The following YWHAG variants were observed in gnomAD, a reference collection of about 807,000 sequenced individuals.
YWHAG encodes tyrosine 3-monooxygenase/tryptophan 5-monooxygenase activation protein gamma.
In YWHAG, 1 loss-of-function variant was observed where a neutral mutation model predicts 23.3. The observed-to-expected ratio is 0.04, with a 90% CI of 0.02 to 0.20. YWHAG has a LOEUF of 0.20. Ranked by LOEUF, YWHAG falls within the 10% of genes least tolerant of loss-of-function variation. The probability of loss-of-function intolerance (pLI) is 1.00; values close to 1 mark genes in which losing one functional copy is unlikely to be tolerated. For missense variants in YWHAG, 151 were observed against 338.6 expected (o/e 0.45, Z 4.35); for synonymous variants, 160 against 144.0 (o/e 1.11, Z -0.80).
chr7:76,327,689 CA>C lies in YWHAG; in HGVS notation c.*1887del, dbSNP rs1563660694. 9 of 110,178 alleles carry C rather than the reference CA, an allele frequency of 8.2e-5. No individual in the cohort carries two copies. The highest frequency in any genetic ancestry group is 3.6e-4 in the African/African-American group (9 of 25,206). 6.8% of individuals were successfully genotyped at this position (110,178 alleles called of 1,614,324 possible). On this transcript the variant is annotated 3_prime_UTR_variant, in exon 2 of 2. Transcript: ENST00000307630. ...CCCTGCCCCCCCCCCCCTCCCCCCC[CA>C]AATCGTCTTCCTCCCATGGCAATGA...
chr7:76,336,536 C>T (rs1803618547), intron 1 of YWHAG, among the ~76,000 whole-genome samples: 1 of 150,804 alleles, frequency 6.6e-6, no homozygotes, highest in Non-Finnish European at 1.5e-5. Flanking sequence ...GCTCACTGCA[C>T]CCTCTACTTC....
At chr7:76,349,207 T>C (rs558480491) in intron 1 of YWHAG, among the ~76,000 whole-genome samples, 1 of 151,080 alleles carries the variant, frequency 6.6e-6, no homozygotes, top group East Asian at 2.0e-4. Flanking sequence ...CCGGGCGTGG[T>C]GGTGGGCGCC....
chr7:76,338,513 C>A (rs1583986243), intron 1 of YWHAG, among the ~76,000 whole-genome samples: 2 of 152,124 alleles, frequency 1.3e-5, no homozygotes, highest in East Asian at 3.9e-4. Flanking sequence ...ACCTCATTAA[C>A]ACTCCACAGA....
chr7:76,329,724 G>A lies in YWHAG; in HGVS notation c.597C>T (p.Thr199=), dbSNP rs771197922. 9 of 1,614,070 alleles carry A rather than the reference G, an allele frequency of 5.6e-6. No homozygotes were observed. Among genetic ancestry groups the A allele is most frequent in the East Asian group, 4.5e-5 (2 of 44,894 alleles). ...APEQACHLAK[T]AFDDAIAELD... is the part of the protein sequence containing the mutation. ...GCTCGGCGATGGCGTCGTCGAACGC[G>A]GTCTTGGCCAAGTGGCACGCTTGCT... is the stretch of plus-strand genomic sequence containing the variant. Residue 199 remains threonine, a synonymous_variant, in exon 2 of 2, where the codon ACC becomes ACT. Coordinates refer to ENST00000307630, the MANE Select transcript of YWHAG (RefSeq NM_012479.4). This position sits in a 1 kb window ranked among gnomAD's most constrained non-coding sequence, Gnocchi z 6.1.
At chr7:76,333,015 G>A (rs978687265) in intron 1 of YWHAG, among the ~76,000 whole-genome samples, 7 of 151,656 alleles carry the variant, frequency 4.6e-5, no homozygotes, top group African/African-American at 1.5e-4. Context: ...ATATCAATCC[G>A]CTGGAAGTGC....
Position 76,327,685 on chromosome 7 carries a change from C to G in YWHAG, c.*1892G>C, listed in dbSNP as rs1265445026. On this transcript the variant is annotated 3_prime_UTR_variant, in exon 2 of 2. Coordinates refer to ENST00000307630, the MANE Select transcript of YWHAG (RefSeq NM_012479.4). ...CCTACCCTGCCCCCCCCCCCCTCCC[C>G]CCCCAAATCGTCTTCCTCCCATGGC... is the stretch of plus-strand genomic sequence containing the variant. 12 of 117,874 alleles carry G rather than the reference C, an allele frequency of 1.0e-4. No individual in the cohort carries two copies. Among genetic ancestry groups the G allele is most frequent in the Non-Finnish European group, 1.4e-4 (8 of 55,702 alleles). 7.3% of individuals were successfully genotyped at this position (117,874 alleles called of 1,614,324 possible).
chr7:76,355,684 T>C (rs73359673), intron 1 of YWHAG, among the ~76,000 whole-genome samples: 4,102 of 152,262 alleles, frequency 0.027, 179 homozygotes, highest in African/African-American at 0.094. Flanking sequence ...TGAAAGTCTA[T>C]TGATCCCACT....
intron 1 of YWHAG, among the ~76,000 whole-genome samples, chr7:76,339,558 T>C (rs774072863): frequency 1.8e-4 from 27 of 152,246 alleles, no homozygotes; most frequent in Middle Eastern, 3.4e-3. Context: ...ATACGGTTAG[T>C]AATAACATAC....
intron 1 of YWHAG, among the ~76,000 whole-genome samples, chr7:76,331,308 A>AGAGGAGAGGAGAGGAGAGGAGAGG (rs1369499840): frequency 4.7e-5 from 3 of 64,210 alleles, no homozygotes; most frequent in African/African-American, 2.8e-4. Context: ...GAGAGGAGAG[A>AGAGGAGAGGAGAGGAGAGGAGAGG]AGAAAAGTGG....
At chr7:76,351,373 C>T (rs1431999470) in intron 1 of YWHAG, among the ~76,000 whole-genome samples, 2 of 122,840 alleles carry the variant, frequency 1.6e-5, no homozygotes, top group South Asian at 5.3e-4. Context: ...TCATTCTTCT[C>T]GCCTTTCTGA....
intron 1 of YWHAG, among the ~76,000 whole-genome samples, chr7:76,332,355 G>T (rs1359018534): frequency 6.6e-6 from 1 of 152,170 alleles, no homozygotes; most frequent in African/African-American, 2.4e-5. Context: ...ATTCTGATGT[G>T]TCCACAAATA....
chr7:76,355,434 C>G (rs1803939216), intron 1 of YWHAG, among the ~76,000 whole-genome samples: 1 of 152,156 alleles, frequency 6.6e-6, no homozygotes, highest in Non-Finnish European at 1.5e-5. Context: ...AGAAAAAGCA[C>G]TTAATATCTG....
At position 76,335,347 on chromosome 7, in the gene YWHAG, C is replaced by T. The variant is rs1050810036; in HGVS notation, c.88-5114G>A. Among the ~76,000 whole-genome samples the T allele has an allele frequency of 3.9e-5, 6 of 152,274 alleles. No individual in the cohort carries two copies. The East Asian group carries it at 7.7e-4, about 20-fold the overall frequency. ...CTGGGATTACAGGCGTGAGCCACCGCGCCCGGCCTCAAATTTCTTTTGGTG... is the reference window on the plus strand; with the variant it reads ...CTGGGATTACAGGCGTGAGCCACCGTGCCCGGCCTCAAATTTCTTTTGGTG... On this transcript the variant is annotated intron_variant, in intron 1 of 1. Coordinates refer to ENST00000307630, the MANE Select transcript of YWHAG (RefSeq NM_012479.4).
intron 1 of YWHAG, among the ~76,000 whole-genome samples, chr7:76,336,908 GAAAGAATGAGATGA>G (rs1803624531): frequency 6.6e-6 from 1 of 152,094 alleles, no homozygotes; most frequent in Non-Finnish European, 1.5e-5. Context: ...AATAGAAACA[GAAAGAATGAGATGA>G]CCAAGTGCAG....
chr7:76,341,334 G>A (rs1352324251), intron 1 of YWHAG, among the ~76,000 whole-genome samples: 1 of 150,328 alleles, frequency 6.7e-6, no homozygotes, highest in Admixed American at 6.7e-5. Flanking sequence ...AACCCAGGAG[G>A]CGGAGGCTGT....
intron 1 of YWHAG, among the ~76,000 whole-genome samples, chr7:76,336,575 C>T (rs1180248197): frequency 6.6e-6 from 1 of 151,410 alleles, no homozygotes; most frequent in Non-Finnish European, 1.5e-5. Flanking sequence ...GTGCCTCAGC[C>T]TCCAAAGTAG....
rs143403499 is a variant in YWHAG at position 76,329,847 on chromosome 7, G to A, written c.474C>T (p.His158=). 128 of 1,613,900 alleles carry A rather than the reference G, an allele frequency of 7.9e-5. No homozygotes were observed. Among genetic ancestry groups the A allele is most frequent in the Non-Finnish European group, 1.0e-4 (118 of 1,180,000 alleles). Residue 158 remains histidine, a synonymous_variant, in exon 2 of 2, where the codon CAC becomes CAT. Coordinates refer to ENST00000307630, the MANE Select transcript of YWHAG (RefSeq NM_012479.4). The surrounding 1 kb of genome is among the most constrained non-coding windows in gnomAD (Gnocchi z 6.1). ...ESSEKAYSEA[H]EISKEHMQPT... is the part of the protein sequence containing the mutation. ...GCTGCATGTGCTCTTTGCTGATCTC[G>A]TGGGCTTCGCTGTAGGCCTTCTCGG...
rs562345688 is a variant in YWHAG, at chr7:76,346,543, C to T, written c.87+12179G>A. 1.4e-4 allele frequency among the ~76,000 whole-genome samples: 22 copies of T among 152,330 alleles called. No individual in the cohort carries two copies. In the South Asian group the frequency reaches 4.2e-3, roughly 29 times the overall value. On this transcript the variant is annotated intron_variant, in intron 1 of 1. Coordinates refer to ENST00000307630, the MANE Select transcript of YWHAG (RefSeq NM_012479.4). ...CTGTAGCCAAGTTAATTTGCCTCCA[C>T]TTAAGTGTTTCCTCAAATTCAGCAG...
rs758194783 is a variant in YWHAG, at chr7:76,358,849, T to C, written c.-41A>G. On this transcript the variant is annotated 5_prime_UTR_variant, in exon 1 of 2. Coordinates refer to ENST00000307630, the MANE Select transcript of YWHAG (RefSeq NM_012479.4). ...TCTGGCCGGAGAAGGAGGAGGACAC[T>C]GGGGCGGCCTGAAGGGCTTGGAGGG... is the stretch of plus-strand genomic sequence containing the variant. The C allele has an allele frequency of 6.4e-7, 1 of 1,563,420 alleles. No individual in the cohort carries two copies. Among genetic ancestry groups the C allele is most frequent in the Non-Finnish European group, 8.7e-7 (1 of 1,153,686 alleles).
Sources: gnomAD v4.1 joint callset for allele counts (sites outside exome capture counted in the v4.1 genomes callset) on GRCh38, gnomAD v4.1.1 for gene constraint, Gnocchi (gnomAD v3.1) non-coding constraint, MANE v1.5 for transcripts, NCBI Gene and HGNC (gene_info 2026-07-23, HGNC 2026-07-21) for gene names.